The following FGF14 variants were observed in gnomAD, a reference collection of about 807,000 sequenced individuals.
FGF14 encodes fibroblast growth factor 14.
Under a neutral mutation model 25.5 loss-of-function variants are expected in FGF14, and 5 were observed. The ratio of observed to expected loss-of-function variants is 0.20; its 90% CI spans 0.10 to 0.41. The LOEUF (loss-of-function observed/expected upper bound fraction) is 0.41. Ranked by LOEUF, FGF14 falls within the 10% of genes least tolerant of loss-of-function variation. The pLI, the probability that FGF14 is intolerant of heterozygous loss-of-function variation, is 1.00. For missense variants in FGF14, 222 were observed against 320.1 expected, an observed-to-expected ratio of 0.69 and a Z score of 2.34; for synonymous variants, 138 against 118.3, an observed-to-expected ratio of 1.17 and a Z score of -1.08.
At chr13:101,984,674 A>G (rs2038462199) in intron 1 of FGF14, among the ~76,000 whole-genome samples, 1 of 152,054 alleles carries the variant, frequency 6.6e-6, no homozygotes, top group South Asian at 2.1e-4. Context: ...GTACTGTCCT[A>G]GGTAGGAGTA....
At chr13:101,885,014 T>C (rs372497367) in intron 1 of FGF14, among the ~76,000 whole-genome samples, 1 of 152,260 alleles carries the variant, frequency 6.6e-6, no homozygotes, top group Non-Finnish European at 1.5e-5. Context: ...CAGTTTCTTA[T>C]AAAATTGTTA....
intron 1 of FGF14, among the ~76,000 whole-genome samples, chr13:102,083,781 T>G (rs2043754560): frequency 6.6e-6 from 1 of 152,238 alleles, no homozygotes; most frequent in Non-Finnish European, 1.5e-5. Context: ...TGAAACTGTT[T>G]CCACAGGTCA....
At chr13:102,138,007 G>A (rs1033400356) in intron 1 of FGF14, among the ~76,000 whole-genome samples, 8 of 149,300 alleles carry the variant, frequency 5.4e-5, no homozygotes, top group Non-Finnish European at 8.9e-5. Flanking sequence ...AAAGTGGACC[G>A]TCCCAGCTGA....
chr13:101,946,290 G>C (rs1032731099), intron 1 of FGF14, among the ~76,000 whole-genome samples: 2 of 143,384 alleles, frequency 1.4e-5, no homozygotes, highest in African/African-American at 5.3e-5. Flanking sequence ...TCTCTCTGTT[G>C]TCCCCACATC....
At chr13:101,956,089 A>T (rs1340253947) in intron 1 of FGF14, among the ~76,000 whole-genome samples, 12 of 152,168 alleles carry the variant, frequency 7.9e-5, no homozygotes, top group Non-Finnish European at 1.6e-4. Flanking sequence ...ATCATCTCAA[A>T]ATATTTCCTG....
chr13:101,986,295 A>G (rs1037714094), intron 1 of FGF14, among the ~76,000 whole-genome samples: 1 of 152,148 alleles, frequency 6.6e-6, no homozygotes, highest in African/African-American at 2.4e-5. Context: ...GGAATAAAAG[A>G]AAACCTTTCC....
intron 1 of FGF14, among the ~76,000 whole-genome samples, chr13:102,398,238 T>C (rs989963805): frequency 2.6e-5 from 4 of 152,224 alleles, no homozygotes; most frequent in African/African-American, 4.8e-5. Context: ...AGACCTCTTA[T>C]ATAAGTATTA....
chr13:102,117,551 T>C (rs1031741116), intron 1 of FGF14, among the ~76,000 whole-genome samples: 22 of 116,374 alleles, frequency 1.9e-4, no homozygotes, highest in African/African-American at 8.6e-4. Context: ...AAGTACAAAA[T>C]ACTATAAGGC....
At chr13:102,107,668 AGG>A (rs2044992143) in intron 1 of FGF14, among the ~76,000 whole-genome samples, 1 of 152,236 alleles carries the variant, frequency 6.6e-6, no homozygotes, top group Non-Finnish European at 1.5e-5. Flanking sequence ...GCTGGTGCAG[AGG>A]GAGCAGCAAT....
At chr13:102,145,981 G>C (rs1273292259) in intron 1 of FGF14, among the ~76,000 whole-genome samples, 1 of 152,188 alleles carries the variant, frequency 6.6e-6, no homozygotes, top group Non-Finnish European at 1.5e-5. Context: ...GGAGAAAACA[G>C]TGAGTATATC....
intron 1 of FGF14, among the ~76,000 whole-genome samples, chr13:102,095,615 CA>C: frequency 6.6e-6 from 1 of 152,144 alleles, no homozygotes; most frequent in Non-Finnish European, 1.5e-5. Context: ...TATAAGACAG[CA>C]AGACCAGCCC....
intron 1 of FGF14, among the ~76,000 whole-genome samples, chr13:102,035,585 T>C (rs1043979861): frequency 7.2e-5 from 11 of 152,184 alleles, no homozygotes; most frequent in African/African-American, 1.9e-4. Flanking sequence ...CATTTTCAAA[T>C]GCATTGCATT....
At chr13:102,155,581 C>T (rs555473489) in intron 1 of FGF14, among the ~76,000 whole-genome samples, 1 of 151,836 alleles carries the variant, frequency 6.6e-6, no homozygotes, top group Non-Finnish European at 1.5e-5. Flanking sequence ...AAATTGACAC[C>T]CTAACATCAC....
intron 1 of FGF14, among the ~76,000 whole-genome samples, chr13:102,088,314 A>G (rs7337717): frequency 0.016 from 2,366 of 152,302 alleles, 78 homozygotes; most frequent in African/African-American, 0.054. Context: ...CCAAGTTGGG[A>G]AAAGTAATAA....
intron 3 of FGF14, among the ~76,000 whole-genome samples, chr13:101,853,484 G>A (rs555466554): frequency 6.6e-6 from 1 of 152,016 alleles, no homozygotes; most frequent in African/African-American, 2.4e-5. Context: ...ACAGGGCCTT[G>A]CTATGTCTCC....
chr13:101,939,663 TCTTC>T (rs2035317538), intron 1 of FGF14, among the ~76,000 whole-genome samples: 1 of 152,236 alleles, frequency 6.6e-6, no homozygotes, highest in Non-Finnish European at 1.5e-5. Flanking sequence ...TCTTCTATCC[TCTTC>T]CTTGTTTCTA....
At chr13:101,943,828 T>TATATATATACACAC (rs1555324457) in intron 1 of FGF14, among the ~76,000 whole-genome samples, 1,633 of 133,916 alleles carry the variant, frequency 0.012, 53 homozygotes, top group African/African-American at 0.048. Context: ...AAAAAAAAAA[T>TATATATATACACAC]ATATATATAT....
intron 1 of FGF14, among the ~76,000 whole-genome samples, chr13:102,281,075 C>G (rs1034309952): frequency 1.3e-4 from 19 of 151,978 alleles, no homozygotes; most frequent in Non-Finnish European, 1.5e-5. Flanking sequence ...TCCTTTTTTT[C>G]CCCAAGTGCT....
chr13:101,932,089 G>T (rs145191569), intron 1 of FGF14, among the ~76,000 whole-genome samples: 1 of 152,084 alleles, frequency 6.6e-6, no homozygotes, highest in Non-Finnish European at 1.5e-5. Flanking sequence ...TTGTGGAAAC[G>T]CATTTCTTTC....
Sources: gnomAD v4.1 joint callset for allele counts (sites outside exome capture counted in the v4.1 genomes callset) on GRCh38, gnomAD v4.1.1 for gene constraint, MANE v1.5 for transcripts, NCBI Gene and HGNC (gene_info 2026-07-23, HGNC 2026-07-21) for gene names.